The following NCKAP5L variants were observed in gnomAD, a reference collection of about 807,000 sequenced individuals.
The protein encoded by NCKAP5L is nck-associated protein 5-like.
A neutral mutation model predicts 103.2 loss-of-function variants in NCKAP5L; 54 were observed. That is an observed-to-expected ratio of 0.52 (90% CI 0.42 to 0.66). The LOEUF is 0.66. Ranked by LOEUF, NCKAP5L falls within the 30% of genes least tolerant of loss-of-function variation. NCKAP5L has a pLI of 0.00. For synonymous variants in NCKAP5L, 762 were observed against 748.6 expected, an observed-to-expected ratio of 1.02 and a Z score of -0.29; for missense variants, 1,733 against 1,750.6, an observed-to-expected ratio of 0.99 and a Z score of 0.18.
At chr12:49,821,385 C>T (rs1946360382) in intron 1 of NCKAP5L, among the ~76,000 whole-genome samples, 1 of 152,202 alleles carries the variant, frequency 6.6e-6, no homozygotes, top group African/African-American at 2.4e-5. Context: ...TCAGCACCAT[C>T]TGGCAGAGAA....
intron 1 of NCKAP5L, among the ~76,000 whole-genome samples, chr12:49,826,834 A>G (rs1173672731): frequency 6.6e-6 from 1 of 152,144 alleles, no homozygotes; most frequent in Non-Finnish European, 1.5e-5. Context: ...TTCCCTGCCA[A>G]CCACAGCACC....
chr12:49,827,949 G>A (rs1293982050), intron 1 of NCKAP5L, among the ~76,000 whole-genome samples: 1 of 152,226 alleles, frequency 6.6e-6, no homozygotes, highest in East Asian at 1.9e-4. Context: ...GGTGGGATGC[G>A]GGTTGGGTGG....
chr12:49,817,861 G>C (rs922253451), intron 1 of NCKAP5L, among the ~76,000 whole-genome samples: 40 of 152,170 alleles, frequency 2.6e-4, no homozygotes, highest in African/African-American at 9.7e-4. Flanking sequence ...CGGGCGCAGT[G>C]CTCATGCCTA....
At chr12:49,827,611 A>G (rs554522130) in intron 1 of NCKAP5L, among the ~76,000 whole-genome samples, 8 of 152,344 alleles carry the variant, frequency 5.3e-5, no homozygotes, top group South Asian at 4.1e-4. Context: ...CTGGCACCGC[A>G]GCCAGCACCC....
At chr12:49,793,638 T>G in intron 9 of NCKAP5L, 96 bp downstream of exon 9, 2 of 1,421,570 alleles carry the variant, frequency 1.4e-6, no homozygotes, top group South Asian at 1.5e-5. Context: ...CATCCGGCAC[T>G]CATGGTCTTG....
chr12:49,793,096 G>A, intron 10 of NCKAP5L, 110 bp from the exon 11 acceptor site: 1 of 939,474 alleles, frequency 1.1e-6, no homozygotes, highest in Non-Finnish European at 1.5e-6. Flanking sequence ...GGCCCCTCCT[G>A]GCCCAACAGG....
chr12:49,796,641 T>C lies in NCKAP5L; in HGVS notation c.1219A>G (p.Ser407Gly), dbSNP rs1166212251. 10 of 1,586,556 alleles carry C rather than the reference T, an allele frequency of 6.3e-6. No individual in the cohort carries two copies. The Admixed American group carries it at 7.3e-5, about 12-fold the overall frequency. The change falls in exon 8 of 13, where the codon AGC becomes GGC. Residue 407 changes from serine (S) to glycine (G), a missense_variant. Ser to Gly is a moderately conservative substitution (Grantham distance 56). Coordinates refer to ENST00000335999, the MANE Select transcript of NCKAP5L (RefSeq NM_001037806.4). ...SEGQGPLPFLSMFMGAGDAPL... is the reference protein window; with the variant it reads ...SEGQGPLPFLGMFMGAGDAPL... Reference sequence around the variant, plus strand: ...GCATCCCCAGCACCCATGAACATGCTAAGGAAGGGGAGGGGCCCCTGGCCC... The same window carrying C: ...GCATCCCCAGCACCCATGAACATGCCAAGGAAGGGGAGGGGCCCCTGGCCC...
rs1233344857 is a variant in NCKAP5L at position 49,795,138 on chromosome 12, C to T, written c.2722G>A (p.Glu908Lys). The T allele has an allele frequency of 3.1e-6, 5 of 1,611,576 alleles. No homozygotes were observed. Among genetic ancestry groups the T allele is most frequent in the Non-Finnish European group, 4.2e-6 (5 of 1,179,314 alleles). The change falls in exon 8 of 13, where the codon GAG becomes AAG. Residue 908 changes from glutamate (E) to lysine (K), a missense_variant. By Grantham distance (56) the Glu-to-Lys change is moderately conservative (BLOSUM62 1). Transcript: ENST00000335999. ...LQGQERAPGA[E>K]VKHRNTSSIA... ...CTGCTGGTGTTGCGGTGCTTGACCT[C>T]GGCGCCAGGGGCTCGCTCCTGGCCC...
chr12:49,806,063 C>T (rs2603111), intron 1 of NCKAP5L, 22 bp from the exon 2 acceptor site: 83,772 of 151,680 alleles, frequency 0.55, 25,142 homozygotes, highest in East Asian at 0.79. Flanking sequence ...AAAAAAAAGA[C>T]GTCAGCCACG....
chr12:49,811,638 G>C (rs1946241034), intron 1 of NCKAP5L, among the ~76,000 whole-genome samples: 1 of 152,090 alleles, frequency 6.6e-6, no homozygotes, highest in Admixed American at 6.6e-5. Context: ...GTTGGGCACA[G>C]TGGCTCACAC....
intron 1 of NCKAP5L, among the ~76,000 whole-genome samples, chr12:49,820,153 T>C (rs780727830): frequency 1.8e-4 from 27 of 152,166 alleles, no homozygotes; most frequent in Non-Finnish European, 3.7e-4. Flanking sequence ...GAGAGGCTCC[T>C]GGAGGTGATG....
In NCKAP5L at chr12:49,792,857, C is replaced by A; in HGVS notation, c.3470G>T (p.Gly1157Val). The A allele has an allele frequency of 6.4e-7, 1 of 1,550,680 alleles. No individual in the cohort carries two copies. The stretch of plus-strand genomic sequence containing the variant: ...GGGTGGGGGCCGAGCTGGGGGTACC[C>A]CAGGTGGGGGATCCAGCCGCGGTGG... ...TKPPRLDPPP[G>V]VPPARPPPLT... The change falls in exon 11 of 13, where the codon GGG becomes GTG. Residue 1157 changes from glycine to valine, a missense_variant. Coordinates refer to ENST00000335999, the MANE Select transcript of NCKAP5L (RefSeq NM_001037806.4). This position sits in a 1 kb window ranked among gnomAD's most constrained non-coding sequence, Gnocchi z 4.5.
At chr12:49,801,755 C>G in intron 6 of NCKAP5L, 93 bp downstream of exon 6, 1 of 1,494,278 alleles carries the variant, frequency 6.7e-7, no homozygotes, top group South Asian at 1.2e-5. Context: ...TGGCCTGCTT[C>G]CCTAGGGGCA....
At position 49,795,124 on chromosome 12, in the gene NCKAP5L, G is replaced by A. The variant is rs1260439633; in HGVS notation, c.2736C>T (p.Arg912=). The A allele has an allele frequency of 9.9e-6, 16 of 1,613,028 alleles. No homozygotes were observed. Among genetic ancestry groups the A allele is most frequent in the Non-Finnish European group, 1.1e-5 (13 of 1,179,700 alleles). ...ERAPGAEVKH[R]NTSSIASWFG... ...ACCAGCTGGCGATGCTGCTGGTGTT[G>A]CGGTGCTTGACCTCGGCGCCAGGGG... The change falls in exon 8 of 13, where the codon CGC becomes CGT. Residue 912 remains arginine, a synonymous_variant. Transcript: ENST00000335999.
At chr12:49,820,313 C>CTTTTTT (rs55677422) in intron 1 of NCKAP5L, among the ~76,000 whole-genome samples, 2 of 121,412 alleles carry the variant, frequency 1.6e-5, no homozygotes, top group East Asian at 2.6e-4. Flanking sequence ...ATCTCCTGGC[C>CTTTTTT]TTTTTTTTTT....
Position 49,797,535 on chromosome 12 carries a change from C to T in NCKAP5L, c.466-141G>A. ...TGTCTGTGTCCCCAAAAGGAATTAA[C>T]AGCAACTGGGATATGATGGTTCCGC... On this transcript the variant is annotated intron_variant, in intron 7 of 12. Transcript: ENST00000335999. This position sits in a 1 kb window ranked among gnomAD's most constrained non-coding sequence, Gnocchi z 4.5. 1.5e-6 allele frequency: 1 copy of T among 650,398 alleles called. No homozygotes were observed. Among genetic ancestry groups the T allele is most frequent in the East Asian group, 2.7e-5 (1 of 36,648 alleles). The allele number at this position is 650,398 out of a possible 1,614,324, so 40.3% of individuals were successfully genotyped here.
Position 49,792,329 on chromosome 12 carries a change from G to T in NCKAP5L, c.3792+117C>A, listed in dbSNP as rs1272901264. The stretch of plus-strand genomic sequence containing the variant: ...GCATCCCAGGGGTCCTCCTCCCAGA[G>T]GGTGCAGCACTGAGACTGTGCGACA... On this transcript the variant is annotated intron_variant, in intron 12 of 12. Coordinates refer to ENST00000335999, the MANE Select transcript of NCKAP5L (RefSeq NM_001037806.4). This position sits in a 1 kb window ranked among gnomAD's most constrained non-coding sequence, Gnocchi z 4.5. The T allele has an allele frequency of 1.9e-6, 3 of 1,543,530 alleles. No homozygotes were observed. Among genetic ancestry groups the T allele is most frequent in the Non-Finnish European group, 2.6e-6 (3 of 1,144,562 alleles).
chr12:49,792,162 AGG>A lies in NCKAP5L; in HGVS notation c.3793-113_3793-112del. ...TGCACCTGATGGGGGGCTGCTCCAG[AGG>A]GGGCCCAAGGTGGGGTATACTTCAG... On this transcript the variant is annotated intron_variant, in intron 12 of 12. Transcript: ENST00000335999. The surrounding 1 kb of genome is among the most constrained non-coding windows in gnomAD (Gnocchi z 4.5). The A allele has an allele frequency of 9.2e-7, 1 of 1,086,686 alleles. No individual in the cohort carries two copies. The highest frequency in any genetic ancestry group is 1.3e-6 in the Non-Finnish European group (1 of 761,844). 67.3% of individuals were successfully genotyped at this position (1,086,686 alleles called of 1,614,324 possible). A position where few individuals can be genotyped will look rare whatever the true frequency, so the allele number is the denominator to read the frequency against.
At chr12:49,800,639 T>C (rs775411601) in intron 6 of NCKAP5L, among the ~76,000 whole-genome samples, 6 of 152,170 alleles carry the variant, frequency 3.9e-5, no homozygotes, top group Non-Finnish European at 7.3e-5. Flanking sequence ...AAGAAAAAAC[T>C]ATAGTCTGTA....
Sources: allele counts gnomAD v4.1 joint callset (sites outside exome capture counted in the v4.1 genomes callset), GRCh38; gene constraint gnomAD v4.1.1; non-coding constraint Gnocchi (gnomAD v3.1); transcripts MANE v1.5; gene names NCBI Gene and HGNC (gene_info 2026-07-23, HGNC 2026-07-21).